FRMPD4: variants seen among roughly 807,000 people sequenced by gnomAD.
The protein encoded by FRMPD4 is FERM and PDZ domain-containing protein 4.
Under a neutral mutation model 94.1 loss-of-function variants are expected in FRMPD4, and 22 were observed. The observed-to-expected ratio is 0.23, with a 90% CI of 0.17 to 0.33. The LOEUF (loss-of-function observed/expected upper bound fraction) is 0.33. Ranked by LOEUF, FRMPD4 falls within the 10% of genes least tolerant of loss-of-function variation. The pLI is 1.00. For synonymous variants in FRMPD4, 631 were observed against 548.6 expected, an observed-to-expected ratio of 1.15 and a Z score of -2.10; for missense variants, 1,111 against 1,339.9, an observed-to-expected ratio of 0.83 and a Z score of 2.67.
intron 2 of FRMPD4, among the ~76,000 whole-genome samples, chrX:12,569,662 GCTTT>G (rs1438172172): frequency 3.6e-5 from 4 of 112,522 alleles, no homozygotes; most frequent in African/African-American, 1.3e-4. Flanking sequence ...ATTCAAGTAT[GCTTT>G]CTTTCAGTCT....
chrX:12,216,172 C>A (rs1047436802), intron 1 of FRMPD4, among the ~76,000 whole-genome samples: 1 of 111,843 alleles, frequency 8.9e-6, no homozygotes, highest in Non-Finnish European at 1.9e-5. Flanking sequence ...GGAATTCCAA[C>A]TGGACATGGC....
At chrX:12,058,103 C>T (rs142174372) in intron 3 of FRMPD4, among the ~76,000 whole-genome samples, 2 of 111,549 alleles carry the variant, frequency 1.8e-5, no homozygotes, top group African/African-American at 6.5e-5. Context: ...TCTTGCAGAA[C>T]ATGTAGTGGC....
At chrX:12,551,388 T>G (rs761662003) in intron 2 of FRMPD4, among the ~76,000 whole-genome samples, 32 of 110,697 alleles carry the variant, frequency 2.9e-4, no homozygotes, top group Non-Finnish European at 4.2e-4. Context: ...ACACTGAAAT[T>G]ATCATACCCC....
At chrX:12,287,816 A>G (rs2054623817) in intron 1 of FRMPD4, among the ~76,000 whole-genome samples, 1 of 112,399 alleles carries the variant, frequency 8.9e-6, no homozygotes, top group African/African-American at 3.2e-5. Context: ...TGCATTATTT[A>G]GGATAGTTTG....
intron 1 of FRMPD4, among the ~76,000 whole-genome samples, chrX:12,486,207 C>T (rs1156809107): frequency 9.0e-6 from 1 of 111,354 alleles, no homozygotes; most frequent in Non-Finnish European, 1.9e-5. Flanking sequence ...AGTCAGCATC[C>T]ACTCCTTACC....
At chrX:12,676,997 C>T (rs1359891966) in intron 5 of FRMPD4, among the ~76,000 whole-genome samples, 3 of 111,847 alleles carry the variant, frequency 2.7e-5, no homozygotes, top group South Asian at 3.8e-4. Context: ...TCCTCGGCCT[C>T]GCTAAATAAA....
intron 1 of FRMPD4, among the ~76,000 whole-genome samples, chrX:12,226,573 A>G (rs1184630375): frequency 9.0e-6 from 1 of 111,072 alleles, no homozygotes; most frequent in African/African-American, 3.3e-5. Flanking sequence ...AGTTTCATGG[A>G]TGTTGGCAGA....
intron 1 of FRMPD4, among the ~76,000 whole-genome samples, chrX:12,231,047 T>TATATATATAA (rs1434454075): frequency 3.8e-4 from 12 of 31,703 alleles, no homozygotes; most frequent in Non-Finnish European, 6.7e-4. Flanking sequence ...TATATATATA[T>TATATATATAA]AAAATATATA....
chrX:12,117,268 C>CT (rs11318375), intron 3 of FRMPD4, among the ~76,000 whole-genome samples: 5 of 108,464 alleles, frequency 4.6e-5, no homozygotes, highest in African/African-American at 1.3e-4. Flanking sequence ...TAATATATTC[C>CT]TTTTTTTTTC....
At chrX:12,669,116 T>G (rs974955110) in intron 4 of FRMPD4, among the ~76,000 whole-genome samples, 2 of 111,791 alleles carry the variant, frequency 1.8e-5, no homozygotes, top group South Asian at 3.7e-4. Flanking sequence ...ATCATTATGT[T>G]ACATGAGATT....
intron 14 of FRMPD4, among the ~76,000 whole-genome samples, chrX:12,715,320 A>G (rs2042059120): frequency 8.9e-6 from 1 of 112,224 alleles, no homozygotes; most frequent in Admixed American, 9.4e-5. Flanking sequence ...CTATGATACA[A>G]ACAAAAATTG....
intron 2 of FRMPD4, among the ~76,000 whole-genome samples, chrX:12,516,664 T>C (rs1400344097): frequency 2.7e-5 from 3 of 111,104 alleles, no homozygotes; most frequent in Middle Eastern, 4.6e-3. Flanking sequence ...CTGATGATTA[T>C]GTGTCTTGGG....
intron 3 of FRMPD4, among the ~76,000 whole-genome samples, chrX:11,924,293 G>A (rs1366285031): frequency 3.6e-5 from 4 of 111,789 alleles, no homozygotes; most frequent in East Asian, 2.8e-4. Context: ...TGGTGTCCCC[G>A]AAAGAGATGG....
At chrX:12,001,065 G>A (rs934592704) in intron 3 of FRMPD4, among the ~76,000 whole-genome samples, 3 of 111,829 alleles carry the variant, frequency 2.7e-5, no homozygotes, top group Non-Finnish European at 5.7e-5. Flanking sequence ...TCTATTGATG[G>A]GTTATGTAAT....
intron 3 of FRMPD4, among the ~76,000 whole-genome samples, chrX:12,027,547 A>T (rs996066509): frequency 3.6e-5 from 4 of 111,925 alleles, no homozygotes; most frequent in African/African-American, 1.3e-4. Context: ...CTCATTCTTC[A>T]GCCTTTGCTT....
At chrX:11,848,078 T>C (rs1229214495) in intron 1 of FRMPD4, among the ~76,000 whole-genome samples, 3 of 109,125 alleles carry the variant, frequency 2.7e-5, no homozygotes, top group Non-Finnish European at 5.8e-5. Flanking sequence ...AAAAATAATA[T>C]GATTAGGAGA....
chrX:12,239,433 T>C (rs1278256201), intron 1 of FRMPD4, among the ~76,000 whole-genome samples: 2 of 112,727 alleles, frequency 1.8e-5, no homozygotes, highest in Non-Finnish European at 3.7e-5. Flanking sequence ...TTCATGATGG[T>C]CAAGATTATG....
chrX:12,094,753 C>A (rs761328078), intron 3 of FRMPD4, among the ~76,000 whole-genome samples: 42 of 112,479 alleles, frequency 3.7e-4, no homozygotes, highest in African/African-American at 1.4e-3. Flanking sequence ...CACCTACTAG[C>A]ATTGTTGCAT....
chrX:12,475,294 C>G lies in FRMPD4; in HGVS notation c.42-23386C>G, dbSNP rs774892795. 1.3e-4 allele frequency among the ~76,000 whole-genome samples: 15 copies of G among 111,940 alleles called. No homozygotes were observed. The South Asian group carries it at 4.5e-3, about 33-fold the overall frequency. On this transcript the variant is annotated intron_variant, in intron 1 of 16. Transcript: ENST00000675598. The stretch of plus-strand genomic sequence containing the variant: ...GTGCTAAAAACTCTCAATAAATTAG[C>G]TATTGATGGGACGTATCTCAAAATA...
Sources: gnomAD v4.1 joint callset for allele counts (sites outside exome capture counted in the v4.1 genomes callset) on GRCh38, gnomAD v4.1.1 for gene constraint, MANE v1.5 for transcripts, NCBI Gene and HGNC (gene_info 2026-07-23, HGNC 2026-07-21) for gene names.